FMNL2: variants seen among roughly 807,000 people sequenced by gnomAD.
FMNL2 encodes formin like 2.
A neutral mutation model predicts 130.2 loss-of-function variants in FMNL2; 51 were observed. The ratio of observed to expected loss-of-function variants is 0.39; its 90% CI spans 0.31 to 0.49. FMNL2 has a LOEUF of 0.49. FMNL2 is among the 20% of genes least tolerant of loss of function. The pLI is 0.85. For missense variants in FMNL2, 977 were observed against 1,316.2 expected (o/e 0.74, Z 3.99); for synonymous variants, 465 against 467.1 (o/e 1.00, Z 0.06).
chr2:152,405,467 T>G (rs2105978092), intron 1 of FMNL2, among the ~76,000 whole-genome samples: 1 of 152,314 alleles, frequency 6.6e-6, no homozygotes, highest in South Asian at 2.1e-4. Flanking sequence ...AGTGCTTACC[T>G]CTGGAAAAAC....
intron 1 of FMNL2, among the ~76,000 whole-genome samples, chr2:152,442,953 A>C (rs1378984215): frequency 6.6e-6 from 1 of 152,128 alleles, no homozygotes; most frequent in African/African-American, 2.4e-5. Context: ...TGAAGATCAT[A>C]CTCATTTAGA....
chr2:152,595,759 TC>T (rs963871874), intron 9 of FMNL2, among the ~76,000 whole-genome samples: 1 of 152,148 alleles, frequency 6.6e-6, no homozygotes, highest in Non-Finnish European at 1.5e-5. Flanking sequence ...TCTCTTTCTG[TC>T]CCTTTCCCAT....
chr2:152,392,609 G>A (rs112904648), intron 1 of FMNL2, among the ~76,000 whole-genome samples: 7 of 152,252 alleles, frequency 4.6e-5, no homozygotes, highest in African/African-American at 1.2e-4. Context: ...ATCCAAATGC[G>A]GAGTGAAGCC....
chr2:152,353,959 A>G (rs761021339), intron 1 of FMNL2, among the ~76,000 whole-genome samples: 1 of 152,194 alleles, frequency 6.6e-6, no homozygotes, highest in Non-Finnish European at 1.5e-5. Flanking sequence ...TACTCTTGCC[A>G]TAAGATTGTA....
chr2:152,531,900 G>T (rs1390891178), intron 2 of FMNL2, among the ~76,000 whole-genome samples: 1 of 152,176 alleles, frequency 6.6e-6, no homozygotes, highest in Non-Finnish European at 1.5e-5. Context: ...AGGAGAATGG[G>T]ATGTGGTTTA....
chr2:152,638,289 T>C (rs1682790629), intron 23 of FMNL2, among the ~76,000 whole-genome samples: 1 of 152,194 alleles, frequency 6.6e-6, no homozygotes, highest in African/African-American at 2.4e-5. Flanking sequence ...TCAGAAGGAT[T>C]TGTCCATTTG....
chr2:152,647,563 A>G (rs1001401074), intron 25 of FMNL2, among the ~76,000 whole-genome samples: 2 of 152,102 alleles, frequency 1.3e-5, no homozygotes, highest in Non-Finnish European at 2.9e-5. Flanking sequence ...TAATCTATGT[A>G]TTTTTCTCTC....
chr2:152,517,851 G>GC (rs1414165255), intron 1 of FMNL2, among the ~76,000 whole-genome samples: 1 of 152,154 alleles, frequency 6.6e-6, no homozygotes, highest in Non-Finnish European at 1.5e-5. Context: ...TATGGTTAAA[G>GC]CCCAGGAAAT....
intron 1 of FMNL2, among the ~76,000 whole-genome samples, chr2:152,507,089 A>G (rs1692215842): frequency 6.6e-6 from 1 of 152,234 alleles, no homozygotes; most frequent in South Asian, 2.1e-4. Context: ...ACCTCAGGCT[A>G]GTGGCTTGTG....
intron 3 of FMNL2, among the ~76,000 whole-genome samples, chr2:152,544,008 A>C (rs1001452868): frequency 6.6e-6 from 1 of 152,210 alleles, no homozygotes; most frequent in African/African-American, 2.4e-5. Context: ...ACCTGTTGTC[A>C]GGTCTTACAC....
intron 1 of FMNL2, among the ~76,000 whole-genome samples, chr2:152,344,443 T>G (rs1346853533): frequency 1.3e-5 from 2 of 152,104 alleles, no homozygotes; most frequent in Non-Finnish European, 2.9e-5. Context: ...TTGGATAGAT[T>G]AGGCAAAATT....
At chr2:152,629,630 T>C (rs773478294) in intron 18 of FMNL2, 26 bp from the exon 19 acceptor site, 333 of 1,565,554 alleles carry the variant, frequency 2.1e-4, no homozygotes, top group Non-Finnish European at 2.8e-4. Flanking sequence ...TTTTTTCCCC[T>C]TTTTCTTTCT....
rs1223819012 is a variant in FMNL2 at position 152,335,493 on chromosome 2, G to A, written c.-111G>A. 1.5e-5 allele frequency: 10 copies of A among 681,768 alleles called. No individual in the cohort carries two copies. In the East Asian group the frequency reaches 2.4e-4, roughly 16 times the overall value. The allele number at this position is 681,768 out of a possible 1,614,324, so 42.2% of individuals were successfully genotyped here. On this transcript the variant is annotated 5_prime_UTR_variant, in exon 1 of 26. Coordinates refer to ENST00000288670, the MANE Select transcript of FMNL2 (RefSeq NM_052905.4). ...CCGCCTGGGCGCGGCGGAGGGCGGG[G>A]AGCCGGGCAGGTCGCGCCTGCGGGC...
chr2:152,510,826 T>C (rs565450244), intron 1 of FMNL2, among the ~76,000 whole-genome samples: 1 of 152,308 alleles, frequency 6.6e-6, no homozygotes, highest in African/African-American at 2.4e-5. Context: ...TGGCTGGGCT[T>C]GTCTGGAGAG....
intron 2 of FMNL2, among the ~76,000 whole-genome samples, chr2:152,528,920 C>CAA (rs1481702097): frequency 2.0e-5 from 3 of 152,220 alleles, no homozygotes; most frequent in African/African-American, 4.8e-5. Context: ...AAAGAACATG[C>CAA]AAATGCACAC....
At chr2:152,409,519 G>C (rs1230569801) in intron 1 of FMNL2, among the ~76,000 whole-genome samples, 1 of 152,186 alleles carries the variant, frequency 6.6e-6, no homozygotes, top group African/African-American at 2.4e-5. Context: ...TGTGAGTGAG[G>C]TCATGGAGAA....
intron 1 of FMNL2, among the ~76,000 whole-genome samples, chr2:152,414,058 T>A (rs1402998083): frequency 6.6e-6 from 1 of 152,236 alleles, no homozygotes; most frequent in East Asian, 1.9e-4. Flanking sequence ...CACGAGCTTA[T>A]GTTTGCTGTC....
intron 4 of FMNL2, among the ~76,000 whole-genome samples, chr2:152,551,152 A>G (rs975930333): frequency 1.3e-5 from 2 of 151,888 alleles, no homozygotes; most frequent in African/African-American, 4.8e-5. Flanking sequence ...CGAAAAAAAA[A>G]AAAAAAAGCA....
At chr2:152,607,471 A>G (rs1698433438) in intron 10 of FMNL2, 58 bp downstream of exon 10, 1 of 22,350 alleles carries the variant, frequency 4.5e-5, no homozygotes, top group Non-Finnish European at 7.3e-5. Context: ...TTTTCTAAAT[A>G]CACACACACA....
Sources: allele counts gnomAD v4.1 joint callset (sites outside exome capture counted in the v4.1 genomes callset), GRCh38; gene constraint gnomAD v4.1.1; transcripts MANE v1.5; gene names NCBI Gene and HGNC (gene_info 2026-07-23, HGNC 2026-07-21).